The following EYA2 variants were observed in gnomAD, a reference collection of about 807,000 sequenced individuals.
EYA2 encodes the protein EYA transcriptional coactivator and phosphatase 2, also known as protein phosphatase EYA2.
A neutral mutation model predicts 69.2 loss-of-function variants in EYA2; 31 were observed. That is an observed-to-expected ratio of 0.45 (90% CI 0.34 to 0.60). EYA2 has a LOEUF of 0.60. Ranked by LOEUF, EYA2 falls within the 20% of genes least tolerant of loss-of-function variation. The probability of loss-of-function intolerance (pLI) is 0.02; values close to 1 mark genes in which losing one functional copy is unlikely to be tolerated. For synonymous variants in EYA2, 257 were observed against 279.4 expected (o/e 0.92, Z 0.80); for missense variants, 622 against 701.2 (o/e 0.89, Z 1.28).
At chr20:47,018,039 C>T (rs1221622125) in intron 5 of EYA2, among the ~76,000 whole-genome samples, 2 of 152,196 alleles carry the variant, frequency 1.3e-5, no homozygotes, top group Admixed American at 1.3e-4. Flanking sequence ...GAGTAAACTC[C>T]TGAGACCCAT....
At chr20:46,960,318 A>C (rs1191210250) in intron 1 of EYA2, among the ~76,000 whole-genome samples, 1 of 152,198 alleles carries the variant, frequency 6.6e-6, no homozygotes, top group Non-Finnish European at 1.5e-5. Flanking sequence ...CACATCTAGT[A>C]GGAGGAGCAG....
At chr20:47,046,616 A>G (rs890702642) in intron 5 of EYA2, among the ~76,000 whole-genome samples, 1 of 152,140 alleles carries the variant, frequency 6.6e-6, no homozygotes, top group African/African-American at 2.4e-5. Context: ...GCTGGGTCCA[A>G]GCCCTCCTAG....
intron 4 of EYA2, among the ~76,000 whole-genome samples, chr20:47,006,052 C>T (rs1982693938): frequency 6.6e-6 from 1 of 152,262 alleles, no homozygotes; most frequent in Non-Finnish European, 1.5e-5. Context: ...TCAGCCTCTG[C>T]TTCCCTTTCT....
At chr20:47,162,549 G>A (rs759198753) in intron 10 of EYA2, among the ~76,000 whole-genome samples, 2 of 115,600 alleles carry the variant, frequency 1.7e-5, no homozygotes, top group African/African-American at 7.1e-5. Flanking sequence ...ACACAGTCTC[G>A]CCCTGTCACC....
At chr20:46,961,192 G>A (rs567861366) in intron 1 of EYA2, among the ~76,000 whole-genome samples, 9 of 152,212 alleles carry the variant, frequency 5.9e-5, no homozygotes, top group East Asian at 3.9e-4. Flanking sequence ...AAAATTAGCC[G>A]GGCGTGGTGG....
At chr20:46,939,315 G>A (rs1378628698) in intron 1 of EYA2, among the ~76,000 whole-genome samples, 1 of 152,210 alleles carries the variant, frequency 6.6e-6, no homozygotes, top group African/African-American at 2.4e-5. Context: ...AAGACACTGG[G>A]AGCCATCTTT....
chr20:47,175,303 A>G (rs2034405175), intron 12 of EYA2, among the ~76,000 whole-genome samples: 1 of 152,242 alleles, frequency 6.6e-6, no homozygotes, highest in Non-Finnish European at 1.5e-5. Context: ...TGCAAAATAC[A>G]GAATAGAGAA....
At chr20:47,041,914 TA>T (rs1252014629) in intron 5 of EYA2, among the ~76,000 whole-genome samples, 1 of 152,118 alleles carries the variant, frequency 6.6e-6, no homozygotes, top group East Asian at 1.9e-4. Context: ...AGCACTACCT[TA>T]AATGGAAAGC....
chr20:47,157,037 G>T (rs796896588), intron 10 of EYA2, among the ~76,000 whole-genome samples: 7 of 152,054 alleles, frequency 4.6e-5, no homozygotes, highest in African/African-American at 1.7e-4. Flanking sequence ...TGAGTTTACT[G>T]ATCAGCAACG....
chr20:47,020,366 G>A (rs1466485487), intron 5 of EYA2, among the ~76,000 whole-genome samples: 1 of 152,098 alleles, frequency 6.6e-6, no homozygotes, highest in South Asian at 2.1e-4. Flanking sequence ...TTTGAGATCT[G>A]TATCTGTTTG....
intron 8 of EYA2, among the ~76,000 whole-genome samples, chr20:47,095,491 G>A (rs868757978): frequency 1.3e-5 from 2 of 151,966 alleles, no homozygotes; most frequent in African/African-American, 2.4e-5. Context: ...ATGCTGAAGT[G>A]CCAAACAGAA....
At chr20:47,147,511 A>AGCAGAG (rs1185879050) in intron 10 of EYA2, among the ~76,000 whole-genome samples, 1 of 152,194 alleles carries the variant, frequency 6.6e-6, no homozygotes, top group Non-Finnish European at 1.5e-5. Context: ...GCAAGACTGA[A>AGCAGAG]GCAGAGGGAA....
At chr20:47,096,100 A>T (rs1005833056) in intron 8 of EYA2, 18 of 152,238 alleles carry the variant, frequency 1.2e-4, no homozygotes, top group African/African-American at 4.3e-4. Context: ...GACAGGTATG[A>T]TACATATATG....
chr20:46,946,434 G>T (rs980283576), intron 1 of EYA2, among the ~76,000 whole-genome samples: 1 of 152,062 alleles, frequency 6.6e-6, no homozygotes, highest in African/African-American at 2.4e-5. Flanking sequence ...TTTGGCTGTT[G>T]CCCTATTTAC....
intron 9 of EYA2, among the ~76,000 whole-genome samples, chr20:47,112,198 T>A (rs2032763879): frequency 6.6e-6 from 1 of 152,054 alleles, no homozygotes; most frequent in Non-Finnish European, 1.5e-5. Flanking sequence ...GAAGGATACA[T>A]ATGTGCGGTA....
intron 8 of EYA2, among the ~76,000 whole-genome samples, chr20:47,091,069 C>T (rs371834076): frequency 3.3e-5 from 5 of 152,096 alleles, no homozygotes; most frequent in East Asian, 3.8e-4. Context: ...ATACTTTATG[C>T]GGCAGCTGCA....
At chr20:46,895,228 TC>T (rs1298293609) in intron 1 of EYA2, among the ~76,000 whole-genome samples, 1 of 152,104 alleles carries the variant, frequency 6.6e-6, no homozygotes, top group African/African-American at 2.4e-5. Context: ...GGCCCCAGTT[TC>T]CCCATGCGCT....
rs56834738 is a variant in EYA2 at position 46,908,870 on chromosome 20, C to CTTTTTTTTTTTTT, written c.-11+13908_-11+13920dup. ...AAAGGCACTAAGCCTCTCTCCCGCA[C>CTTTTTTTTTTTTT]TTTTTTTTTTTTTTTTTTTTTTTTT... On this transcript the variant is annotated intron_variant, in intron 1 of 15. Transcript: ENST00000327619. 6.9e-4 allele frequency among the ~76,000 whole-genome samples: 33 copies of CTTTTTTTTTTTTT among 47,580 alleles called. 6 individuals carry two copies. Among genetic ancestry groups the CTTTTTTTTTTTTT allele is most frequent in the African/African-American group, 2.7e-3 (31 of 11,474 alleles). 31.2% of individuals were successfully genotyped at this position (47,580 alleles called of 152,430 possible).
intron 2 of EYA2, among the ~76,000 whole-genome samples, chr20:46,998,653 T>C (rs1394469870): frequency 1.3e-5 from 2 of 152,118 alleles, no homozygotes; most frequent in African/African-American, 4.8e-5. Context: ...ATCATGTGTG[T>C]TTATGATAAG....
Sources: allele counts gnomAD v4.1 joint callset (sites outside exome capture counted in the v4.1 genomes callset), GRCh38; gene constraint gnomAD v4.1.1; transcripts MANE v1.5; gene names NCBI Gene and HGNC (gene_info 2026-07-23, HGNC 2026-07-21).